Variants in EP400 observed in about 807,000 individuals in gnomAD.
EP400 encodes the protein E1A binding protein p400, also known as E1A-binding protein p400.
Under a neutral mutation model 354.1 loss-of-function variants are expected in EP400, and 105 were observed. That is an observed-to-expected ratio of 0.30 (90% CI 0.25 to 0.35). The LOEUF (loss-of-function observed/expected upper bound fraction) is 0.35. Among genes scored for constraint, EP400 ranks in the 10% least tolerant of loss-of-function variants. The pLI, the probability that EP400 is intolerant of heterozygous loss-of-function variation, is 1.00. For synonymous variants in EP400, 1,646 were observed against 1,716.9 expected, an observed-to-expected ratio of 0.96 and a Z score of 1.02; for missense variants, 3,280 against 4,121.0, an observed-to-expected ratio of 0.80 and a Z score of 5.59.
At chr12:132,055,490 TGTGA>T (rs1895459427) in intron 45 of EP400, among the ~76,000 whole-genome samples, 1 of 136,198 alleles carries the variant, frequency 7.3e-6, no homozygotes, top group African/African-American at 2.8e-5. Flanking sequence ...TAGGGGTGTG[TGTGA>T]GGTGTAGGTG....
chr12:131,993,825 C>G (rs1045590619), intron 11 of EP400, among the ~76,000 whole-genome samples: 2 of 152,158 alleles, frequency 1.3e-5, no homozygotes, highest in Admixed American at 1.3e-4. Flanking sequence ...CTTACAGGGT[C>G]CCATTGCATA....
In EP400 at chr12:132,064,760, C is replaced by G. The variant is rs376450606; in HGVS notation, c.8427C>G (p.Ala2809=). 3 of 1,613,730 alleles carry G rather than the reference C, an allele frequency of 1.9e-6. No homozygotes were observed. The highest frequency in any genetic ancestry group is 2.5e-6 in the Non-Finnish European group (3 of 1,179,946). The change falls in exon 48 of 53, where the codon GCC becomes GCG. Residue 2809 remains alanine (A), a synonymous_variant. Transcript: ENST00000389561. ...AGTCTGCGCCCCCGCAGCCAACAGCCCAAGTGCAAGTGCAGACCTCGCAGC... is the reference window on the plus strand; with the variant it reads ...AGTCTGCGCCCCCGCAGCCAACAGCGCAAGTGCAAGTGCAGACCTCGCAGC... ...QAQSAPPQPT[A]QVQVQTSQPP...
In EP400 at chr12:132,031,934, GT is replaced by G. The variant is rs777650823; in HGVS notation, c.5755-18del. Reference sequence around the variant, plus strand: ...ACATTTTCCAAGAATACTAACTCCTGTGTTTTGTTTCATCTTAGGAACTGAT... The same window carrying G: ...ACATTTTCCAAGAATACTAACTCCTGGTTTTGTTTCATCTTAGGAACTGAT... On this transcript the variant is annotated intron_variant, in intron 29 of 52. Transcript: ENST00000389561. 1 of 1,589,096 alleles carries G rather than the reference GT, an allele frequency of 6.3e-7. No individual in the cohort carries two copies. Among genetic ancestry groups the G allele is most frequent in the Admixed American group, 1.8e-5 (1 of 57,134 alleles).
intron 2 of EP400, among the ~76,000 whole-genome samples, chr12:131,962,905 C>T (rs369171078): frequency 1.3e-5 from 2 of 152,224 alleles, no homozygotes; most frequent in African/African-American, 4.8e-5. Context: ...AAGCTAGTCT[C>T]TTTGCTCAAG....
chr12:132,016,691 C>T (rs535240507), intron 19 of EP400, among the ~76,000 whole-genome samples: 9 of 152,238 alleles, frequency 5.9e-5, no homozygotes, highest in Admixed American at 2.0e-4. Flanking sequence ...TTCTGTGGTG[C>T]GTACTGCTGT....
chr12:132,030,869 T>C (rs577972636), intron 29 of EP400, among the ~76,000 whole-genome samples: 3 of 152,278 alleles, frequency 2.0e-5, no homozygotes, highest in Non-Finnish European at 2.9e-5. Flanking sequence ...TCACGTGGTG[T>C]GCTAGGCCCT....
At chr12:131,960,343 G>A (rs867911671) in intron 1 of EP400, among the ~76,000 whole-genome samples, 2 of 152,260 alleles carry the variant, frequency 1.3e-5, no homozygotes, top group East Asian at 1.9e-4. Context: ...AGCGATGATC[G>A]GTATGTTCCT....
chr12:131,962,463 C>G (rs1891920759), intron 2 of EP400, among the ~76,000 whole-genome samples: 1 of 152,296 alleles, frequency 6.6e-6, no homozygotes, highest in African/African-American at 2.4e-5. Flanking sequence ...TTTATAATAA[C>G]CAGCCATAAG....
In EP400 at chr12:132,011,647, T is replaced by TA. The variant is rs756912800; in HGVS notation, c.3441+16dup. 27 of 1,583,608 alleles carry TA rather than the reference T, an allele frequency of 1.7e-5. No individual in the cohort carries two copies. The African/African-American group carries it at 2.6e-4, about 15-fold the overall frequency. ...AGCAAAGAGACAGGTATTTTTTTTT[T>TA]AAACATAAAATAAAGCTAAACAGAA... is the stretch of plus-strand genomic sequence containing the variant. On this transcript the variant is annotated intron_variant, in intron 16 of 52. Coordinates refer to ENST00000389561, the MANE Select transcript of EP400 (RefSeq NM_015409.5).
intron 34 of EP400, 116 bp downstream of exon 34, chr12:132,043,844 G>T (rs1894994079): frequency 1.1e-6 from 1 of 951,638 alleles, no homozygotes; most frequent in Admixed American, 2.7e-5. Flanking sequence ...AAACCCACAA[G>T]TATGGAAATG....
chr12:132,047,777 A>C (rs1895156810), intron 39 of EP400, among the ~76,000 whole-genome samples: 1 of 152,236 alleles, frequency 6.6e-6, no homozygotes, highest in Admixed American at 6.5e-5. Context: ...TTTATTAGGC[A>C]GGAATTTCCT....
intron 15 of EP400, among the ~76,000 whole-genome samples, chr12:132,009,173 C>G (rs1893681743): frequency 6.6e-6 from 1 of 151,914 alleles, no homozygotes; most frequent in Non-Finnish European, 1.5e-5. Flanking sequence ...CTCAAGAGAT[C>G]TGCCTGCCTT....
chr12:132,071,811 C>CTTT (rs1413252560), intron 51 of EP400, among the ~76,000 whole-genome samples: 1 of 152,184 alleles, frequency 6.6e-6, no homozygotes, highest in Non-Finnish European at 1.5e-5. Flanking sequence ...TCCTGCTCAG[C>CTTT]TTTTCTGCTC....
At chr12:132,043,895 G>A (rs958400674) in intron 34 of EP400, among the ~76,000 whole-genome samples, 167 bp downstream of exon 34, 5 of 152,302 alleles carry the variant, frequency 3.3e-5, no homozygotes, top group East Asian at 1.9e-4. Flanking sequence ...CGTAGGGACC[G>A]TGGAGCTTGT....
rs185203738 is a variant in EP400, at chr12:132,034,701, A to G, written c.5951+2552A>G. ...GCAGTAACTGGAGGGCCTTTCTGTC[A>G]TGAATGTGCCGCACACCTTGTGCTC... On this transcript the variant is annotated intron_variant, in intron 30 of 52. Coordinates refer to ENST00000389561, the MANE Select transcript of EP400 (RefSeq NM_015409.5). Among the ~76,000 whole-genome samples, 166 of 152,332 alleles carry G rather than the reference A, an allele frequency of 1.1e-3. 1 individual carries two copies. Among genetic ancestry groups the G allele is most frequent in the Middle Eastern group, 0.01 (3 of 294 alleles).
rs762599114 is a variant in EP400 at position 132,032,026 on chromosome 12, G to A, written c.5828G>A (p.Gly1943Asp). ...AILSTHSRTT[G>D]INLVEADTVV... ...CTCTCCACTCACAGCCGTACCACAG[G>A]TATAAACCTTGTAGAGGCGGACACC... Residue 1943 changes from glycine to aspartate, a missense_variant, in exon 30 of 53, where the codon GGT (glycine) becomes GAT (aspartate). Physicochemically the swap from Gly to Asp is moderately conservative, Grantham distance 94. Around this residue, in one of 20 missense-constraint regions of EP400, gnomAD observed 459 missense variants for 496.9 expected, o/e 0.92. Transcript: ENST00000389561. 4 of 1,614,212 alleles carry A rather than the reference G, an allele frequency of 2.5e-6. No individual in the cohort carries two copies. The highest frequency in any genetic ancestry group is 2.5e-6 in the Non-Finnish European group (3 of 1,180,036).
chr12:132,002,258 A>T (rs965907590), intron 12 of EP400, among the ~76,000 whole-genome samples: 9 of 152,128 alleles, frequency 5.9e-5, no homozygotes, highest in African/African-American at 2.2e-4. Flanking sequence ...TTGGGCCTAG[A>T]TCTATCCTAA....
chr12:132,021,152 CA>C lies in EP400; in HGVS notation c.4522del (p.Thr1508GlnfsTer60). ...GACACCAGCCCGCCTCGGCCTCCAGCACAGCCGCTAGCCCGGCCCATCCTGC... is the reference window on the plus strand; with the variant it reads ...GACACCAGCCCGCCTCGGCCTCCAGCCAGCCGCTAGCCCGGCCCATCCTGC... The part of the protein sequence containing the change: ...PRHQPASASS[T>X]AASPAHPAKL... On this transcript the variant is annotated frameshift_variant, in exon 23 of 53. Transcript: ENST00000389561. LOFTEE classifies it high-confidence loss of function. 1 of 1,600,684 alleles carries C rather than the reference CA, an allele frequency of 6.2e-7. No homozygotes were observed. Among genetic ancestry groups the C allele is most frequent in the Non-Finnish European group, 8.5e-7 (1 of 1,179,792 alleles).
intron 15 of EP400, among the ~76,000 whole-genome samples, chr12:132,008,674 G>A (rs1893665189): frequency 6.6e-6 from 1 of 151,116 alleles, no homozygotes; most frequent in African/African-American, 2.4e-5. Context: ...TCCGTCTCCT[G>A]GGCTCAAGAG....
Sources: gnomAD v4.1 joint callset for allele counts (sites outside exome capture counted in the v4.1 genomes callset) on GRCh38, gnomAD v4.1.1 for gene constraint, gnomAD v4.1.1 regional missense constraint, MANE v1.5 for transcripts, NCBI Gene and HGNC (gene_info 2026-07-23, HGNC 2026-07-21) for gene names.